Variants in MYO1D observed in about 807,000 individuals in gnomAD.
The protein encoded by MYO1D is unconventional myosin-Id.
In MYO1D, 83 loss-of-function variants were observed where a neutral mutation model predicts 122.0. The ratio of observed to expected loss-of-function variants is 0.68; its 90% CI spans 0.57 to 0.82. The LOEUF is 0.82. Ranked by LOEUF, MYO1D falls within the 40% of genes least tolerant of loss-of-function variation. The probability of loss-of-function intolerance (pLI) is 0.00; values close to 1 mark genes in which losing one functional copy is unlikely to be tolerated. For synonymous variants in MYO1D, 464 were observed against 446.9 expected, an observed-to-expected ratio of 1.04 and a Z score of -0.48; for missense variants, 1,157 against 1,269.5, an observed-to-expected ratio of 0.91 and a Z score of 1.35.
At chr17:32,725,967 C>T (rs1348637940) in intron 14 of MYO1D, among the ~76,000 whole-genome samples, 1 of 152,212 alleles carries the variant, frequency 6.6e-6, no homozygotes, top group Non-Finnish European at 1.5e-5. Context: ...CCAAAAGACA[C>T]TGCTAACGTA....
intron 21 of MYO1D, among the ~76,000 whole-genome samples, chr17:32,577,253 G>GA (rs201927518): frequency 0.028 from 3,456 of 125,388 alleles, 151 homozygotes; most frequent in African/African-American, 0.09. Context: ...TCAGTCTCAG[G>GA]AAAAAAAAAA....
At chr17:32,580,957 T>C (rs2087333475) in intron 21 of MYO1D, among the ~76,000 whole-genome samples, 1 of 152,210 alleles carries the variant, frequency 6.6e-6, no homozygotes, top group Non-Finnish European at 1.5e-5. Flanking sequence ...AGGCGAAGGC[T>C]GGCCTCAGAA....
At chr17:32,636,881 G>C (rs970448164) in intron 20 of MYO1D, among the ~76,000 whole-genome samples, 14 of 152,218 alleles carry the variant, frequency 9.2e-5, no homozygotes, top group Admixed American at 2.0e-4. Flanking sequence ...TGGAAATCAG[G>C]CTGGTATGCA....
chr17:32,846,823 CA>C (rs1400469893), intron 1 of MYO1D, among the ~76,000 whole-genome samples: 1 of 151,870 alleles, frequency 6.6e-6, no homozygotes, highest in Non-Finnish European at 1.5e-5. Flanking sequence ...TTTTTTTAAA[CA>C]AAAAATTTAA....
At chr17:32,638,139 C>T (rs2088131505) in intron 20 of MYO1D, among the ~76,000 whole-genome samples, 1 of 152,068 alleles carries the variant, frequency 6.6e-6, no homozygotes, top group Non-Finnish European at 1.5e-5. Context: ...TTAAGAAGGA[C>T]AAATTACAAA....
At chr17:32,570,326 A>AT (rs1196549546) in intron 21 of MYO1D, among the ~76,000 whole-genome samples, 1 of 152,106 alleles carries the variant, frequency 6.6e-6, no homozygotes, top group African/African-American at 2.4e-5. Context: ...GTTTCCTCCT[A>AT]TCAACCCTCA....
At chr17:32,562,751 C>T (rs947697039) in intron 21 of MYO1D, among the ~76,000 whole-genome samples, 3 of 152,070 alleles carry the variant, frequency 2.0e-5, no homozygotes, top group East Asian at 3.9e-4. Context: ...TATAGGCGTG[C>T]GCCACCATGC....
chr17:32,652,776 C>T (rs970755063), intron 19 of MYO1D, among the ~76,000 whole-genome samples: 7 of 152,124 alleles, frequency 4.6e-5, no homozygotes, highest in Admixed American at 6.6e-5. Flanking sequence ...CCTCACCTTC[C>T]GAATCTCAAT....
intron 1 of MYO1D, among the ~76,000 whole-genome samples, chr17:32,865,746 G>GT (rs2091118212): frequency 6.6e-6 from 1 of 152,208 alleles, no homozygotes; most frequent in Non-Finnish European, 1.5e-5. Flanking sequence ...TGGGATAATT[G>GT]TAACTAGTCC....
At chr17:32,646,729 T>A (rs990018027) in intron 19 of MYO1D, among the ~76,000 whole-genome samples, 5 of 152,156 alleles carry the variant, frequency 3.3e-5, no homozygotes, top group Non-Finnish European at 7.3e-5. Flanking sequence ...ATGCAAAAAA[T>A]GTAATTTCTA....
chr17:32,815,320 A>G (rs8072988), intron 1 of MYO1D, among the ~76,000 whole-genome samples: 80,669 of 151,996 alleles, frequency 0.53, 22,193 homozygotes, highest in East Asian at 0.72. Context: ...AAGATTTTCC[A>G]GCTCTTGACT....
intron 16 of MYO1D, among the ~76,000 whole-genome samples, chr17:32,711,646 G>C (rs534338096): frequency 6.6e-6 from 1 of 151,102 alleles, no homozygotes; most frequent in Admixed American, 6.6e-5. Flanking sequence ...ACTCCGTCTC[G>C]GGGGGGAAAA....
intron 1 of MYO1D, among the ~76,000 whole-genome samples, chr17:32,865,076 T>C (rs375407932): frequency 1.2e-4 from 19 of 152,336 alleles, no homozygotes; most frequent in African/African-American, 4.3e-4. Flanking sequence ...TCAAGGACTA[T>C]CCTTATAATA....
chr17:32,830,709 T>C (rs954161515), intron 1 of MYO1D, among the ~76,000 whole-genome samples: 1 of 152,170 alleles, frequency 6.6e-6, no homozygotes, highest in African/African-American at 2.4e-5. Context: ...ATGGAATAAT[T>C]GGGTTTTTAA....
At chr17:32,832,417 A>T in intron 1 of MYO1D, among the ~76,000 whole-genome samples, 1 of 150,980 alleles carries the variant, frequency 6.6e-6, no homozygotes, top group South Asian at 2.1e-4. Flanking sequence ...CTCCTGCCTC[A>T]GCCTCCCGAG....
chr17:32,678,336 C>T (rs914328325), intron 16 of MYO1D, among the ~76,000 whole-genome samples: 38 of 151,534 alleles, frequency 2.5e-4, no homozygotes, highest in Non-Finnish European at 4.3e-4. Context: ...CATACATGTG[C>T]CATGCTGGTG....
At chr17:32,527,197 A>G (rs117050591) in intron 21 of MYO1D, among the ~76,000 whole-genome samples, 1 of 152,320 alleles carries the variant, frequency 6.6e-6, no homozygotes, top group East Asian at 1.9e-4. Flanking sequence ...CTGCTTTAAA[A>G]ATGGCCACAT....
intron 16 of MYO1D, among the ~76,000 whole-genome samples, chr17:32,661,829 C>CT (rs1488829986): frequency 2.0e-5 from 3 of 152,006 alleles, no homozygotes; most frequent in African/African-American, 7.3e-5. Context: ...TATATTAACT[C>CT]TATTATATAT....
At chr17:32,726,411 C>A (rs1251075320) in intron 14 of MYO1D, among the ~76,000 whole-genome samples, 1 of 141,436 alleles carries the variant, frequency 7.1e-6, no homozygotes. Context: ...CAGAGTGAGA[C>A]CCTGTCTCAA....
Sources: gnomAD v4.1 joint callset for allele counts (sites outside exome capture counted in the v4.1 genomes callset) on GRCh38, gnomAD v4.1.1 for gene constraint, MANE v1.5 for transcripts, NCBI Gene and HGNC (gene_info 2026-07-23, HGNC 2026-07-21) for gene names.